DLGAP1: variants seen among roughly 807,000 people sequenced by gnomAD.
The protein encoded by DLGAP1 is disks large-associated protein 1.
Under a neutral mutation model 90.8 loss-of-function variants are expected in DLGAP1, and 11 were observed. The observed-to-expected ratio is 0.12, with a 90% CI of 0.08 to 0.20. The LOEUF is 0.20. Ranked by LOEUF, DLGAP1 falls within the 10% of genes least tolerant of loss-of-function variation. The pLI, the probability that DLGAP1 is intolerant of heterozygous loss-of-function variation, is 1.00. For missense variants in DLGAP1, 1,050 were observed against 1,333.8 expected, an observed-to-expected ratio of 0.79 and a Z score of 3.31; for synonymous variants, 558 against 540.7, an observed-to-expected ratio of 1.03 and a Z score of -0.44.
chr18:4,044,548 C>A (rs2075020620), intron 2 of DLGAP1, among the ~76,000 whole-genome samples: 1 of 152,146 alleles, frequency 6.6e-6, no homozygotes, highest in Non-Finnish European at 1.5e-5. Flanking sequence ...TGAGACCAGC[C>A]TGGCCAAGAT....
chr18:4,013,371 C>T (rs1332729820), intron 2 of DLGAP1, among the ~76,000 whole-genome samples: 1 of 152,196 alleles, frequency 6.6e-6, no homozygotes, highest in African/African-American at 2.4e-5. Context: ...GATCTGTGCC[C>T]AGGTCCACAC....
At chr18:4,237,707 C>G (rs1288772171) in intron 1 of DLGAP1, among the ~76,000 whole-genome samples, 2 of 151,498 alleles carry the variant, frequency 1.3e-5, no homozygotes, top group African/African-American at 2.4e-5. Context: ...AAAAAGGAAG[C>G]AATTTTTGCC....
intron 5 of DLGAP1, among the ~76,000 whole-genome samples, chr18:3,773,346 A>G (rs1328121974): frequency 6.6e-6 from 1 of 152,230 alleles, no homozygotes; most frequent in African/African-American, 2.4e-5. Context: ...TTATTATACT[A>G]CCAAGCATAA....
intron 2 of DLGAP1, among the ~76,000 whole-genome samples, chr18:4,112,554 G>T (rs1027900030): frequency 6.6e-6 from 1 of 152,106 alleles, no homozygotes; most frequent in African/African-American, 2.4e-5. Flanking sequence ...TCTCCCTTCA[G>T]TTCTGTCAAT....
At chr18:4,275,214 C>T (rs2079382204) in intron 1 of DLGAP1, 1 of 152,134 alleles carries the variant, frequency 6.6e-6, no homozygotes, top group Non-Finnish European at 1.5e-5. Context: ...CCAGTACCGT[C>T]CCATTTGCTC....
intron 3 of DLGAP1, chr18:3,986,361 C>A (rs542159746): frequency 6.6e-6 from 1 of 151,964 alleles, no homozygotes; most frequent in Non-Finnish European, 1.5e-5. Flanking sequence ...TTATTTTGAA[C>A]GATAAATACA....
chr18:4,363,802 T>C (rs2081688783), intron 1 of DLGAP1, among the ~76,000 whole-genome samples: 1 of 152,124 alleles, frequency 6.6e-6, no homozygotes, highest in South Asian at 2.1e-4. Flanking sequence ...TTTTACAAGG[T>C]TGGTGGGACT....
At chr18:4,213,725 A>T (rs1436742414) in intron 1 of DLGAP1, among the ~76,000 whole-genome samples, 1 of 152,234 alleles carries the variant, frequency 6.6e-6, no homozygotes, top group East Asian at 1.9e-4. Flanking sequence ...GACCTCCCCC[A>T]TATCTCAAGG....
At chr18:3,819,672 G>GA (rs1568187894) in intron 4 of DLGAP1, among the ~76,000 whole-genome samples, 1 of 152,156 alleles carries the variant, frequency 6.6e-6, no homozygotes, top group Non-Finnish European at 1.5e-5. Context: ...GTCAAATAGA[G>GA]AAACTGAGGT....
chr18:4,265,381 T>G (rs571068292), intron 1 of DLGAP1, among the ~76,000 whole-genome samples: 1 of 151,782 alleles, frequency 6.6e-6, no homozygotes, highest in Non-Finnish European at 1.5e-5. Flanking sequence ...GTGTTAGCCA[T>G]GATGGTCTCA....
chr18:4,214,106 A>C (rs893921484), intron 1 of DLGAP1, among the ~76,000 whole-genome samples: 1 of 152,184 alleles, frequency 6.6e-6, no homozygotes, highest in African/African-American at 2.4e-5. Flanking sequence ...CAAGACGGAT[A>C]AAGGTCAAAA....
At chr18:4,048,342 G>T (rs543713163) in intron 2 of DLGAP1, among the ~76,000 whole-genome samples, 1 of 152,140 alleles carries the variant, frequency 6.6e-6, no homozygotes, top group Non-Finnish European at 1.5e-5. Flanking sequence ...CTTGACATTT[G>T]AAAGCAATGA....
chr18:4,063,623 T>G (rs768527206), intron 2 of DLGAP1, among the ~76,000 whole-genome samples: 1 of 152,090 alleles, frequency 6.6e-6, no homozygotes, highest in African/African-American at 2.4e-5. Flanking sequence ...CTAGGAGAGA[T>G]AAAGAGTTTT....
intron 1 of DLGAP1, among the ~76,000 whole-genome samples, chr18:4,408,096 T>C (rs755702771): frequency 3.3e-5 from 5 of 151,354 alleles, no homozygotes; most frequent in Non-Finnish European, 5.9e-5. Context: ...TACTTTGAGG[T>C]GGTAGAAGGA....
chr18:3,728,327 T>TAC (rs1193026721), intron 7 of DLGAP1, among the ~76,000 whole-genome samples: 2 of 82,446 alleles, frequency 2.4e-5, no homozygotes, highest in Admixed American at 2.6e-4. Context: ...TATATATATA[T>TAC]ACATGTTTCA....
intron 3 of DLGAP1, among the ~76,000 whole-genome samples, chr18:3,954,760 G>T (rs549777566): frequency 6.6e-6 from 1 of 152,180 alleles, no homozygotes; most frequent in Non-Finnish European, 1.5e-5. Flanking sequence ...TTTACCTCAC[G>T]CCTGAAACAA....
At chr18:3,944,544 G>A (rs988628885) in intron 3 of DLGAP1, among the ~76,000 whole-genome samples, 2 of 151,996 alleles carry the variant, frequency 1.3e-5, no homozygotes, top group Non-Finnish European at 2.9e-5. Context: ...TGCTCCCACA[G>A]ATTATTTCTA....
intron 2 of DLGAP1, among the ~76,000 whole-genome samples, chr18:4,145,194 T>C (rs975368062): frequency 6.6e-6 from 1 of 152,230 alleles, no homozygotes; most frequent in African/African-American, 2.4e-5. Flanking sequence ...CTCATCAGTA[T>C]GATTATCATC....
chr18:3,910,702 T>C (rs949505577), intron 3 of DLGAP1, among the ~76,000 whole-genome samples: 4 of 152,090 alleles, frequency 2.6e-5, no homozygotes, highest in Non-Finnish European at 5.9e-5. Flanking sequence ...CCGGGGGAAG[T>C]TGATTATGGA....
Sources: gnomAD v4.1 joint callset for allele counts (sites outside exome capture counted in the v4.1 genomes callset) on GRCh38, gnomAD v4.1.1 for gene constraint, MANE v1.5 for transcripts, NCBI Gene and HGNC (gene_info 2026-07-23, HGNC 2026-07-21) for gene names.